The following NCOR1 variants were observed in gnomAD, a reference collection of about 807,000 sequenced individuals.
NCOR1 encodes the protein nuclear receptor corepressor 1, also known as protein phosphatase 1, regulatory subunit 109.
NCOR1 carries 63 observed loss-of-function variants against 288.1 expected under a neutral mutation model. The ratio of observed to expected loss-of-function variants is 0.22; its 90% confidence interval spans 0.18 to 0.27. The LOEUF (loss-of-function observed/expected upper bound fraction) is 0.27, where lower values mean the gene tolerates loss of function less well. Among genes scored for constraint, NCOR1 ranks in the 10% least tolerant of loss-of-function variants. NCOR1 has a pLI of 1.00. For missense variants in NCOR1, 2,397 were observed against 3,019.2 expected, an observed-to-expected ratio of 0.79 and a Z score of 4.83; for synonymous variants, 1,007 against 1,065.9, an observed-to-expected ratio of 0.94 and a Z score of 1.08.
chr17:16,057,732 A>C lies in NCOR1; in HGVS notation c.6174T>G (p.Ile2058Met), dbSNP rs754179402. The change falls in exon 40 of 46, where the codon ATT becomes ATG. Residue 2058 changes from isoleucine to methionine, a missense_variant. Physicochemically the swap from Ile to Met is conservative, Grantham distance 10 (BLOSUM62 1). Around this residue, in one of 11 missense-constraint regions of NCOR1, gnomAD observed 1,872 missense variants for 2,187.8 expected, o/e 0.86. Coordinates refer to ENST00000268712, the MANE Select transcript of NCOR1 (RefSeq NM_006311.4). ...GATTTCTAGCAAAATCTTGTGTGATAATTTGCTGTGAATGAGAAATGAAGG... is the reference window on the plus strand; with the variant it reads ...GATTTCTAGCAAAATCTTGTGTGATCATTTGCTGTGAATGAGAAATGAAGG... Reference protein sequence around the residue: ...LITLADHICQIITQDFARNQV... With the variant: ...LITLADHICQMITQDFARNQV... The C allele has an allele frequency of 1.9e-6, 3 of 1,613,806 alleles. No homozygotes were observed. Among genetic ancestry groups the C allele is most frequent in the South Asian group, 2.2e-5 (2 of 91,034 alleles).
intron 2 of NCOR1, among the ~76,000 whole-genome samples, chr17:16,190,645 C>T (rs1351414324): frequency 6.6e-6 from 1 of 151,994 alleles, no homozygotes; most frequent in Non-Finnish European, 1.5e-5. Flanking sequence ...CCAGCCAACA[C>T]TCCCTGAAAG....
At chr17:16,138,114 C>T (rs1199791569) in intron 13 of NCOR1, 44 bp downstream of exon 13, 6 of 1,512,952 alleles carry the variant, frequency 4.0e-6, no homozygotes, top group Non-Finnish European at 5.5e-6. Context: ...AAAGTAACAA[C>T]CATCACAAAC....
rs1210759269 is a variant in NCOR1, at chr17:16,070,161, A to C, written c.4513+4T>G. The C allele has an allele frequency of 1.9e-6, 3 of 1,592,106 alleles. No individual in the cohort carries two copies. The highest frequency in any genetic ancestry group is 2.6e-6 in the Non-Finnish European group (3 of 1,170,668). On this transcript the variant is annotated splice_donor_region_variant and intron_variant, in intron 31 of 45. Transcript: ENST00000268712. The stretch of plus-strand genomic sequence containing the variant: ...TATCAGACCAAGCAACAAAAGTAAC[A>C]TACCATCAGAAGTTCTGTTCATCAT...
chr17:16,080,452 G>C lies in NCOR1; in HGVS notation c.3356C>G (p.Pro1119Arg). 6.2e-7 allele frequency: 1 copy of C among 1,614,142 alleles called. No individual in the cohort carries two copies. The highest frequency in any genetic ancestry group is 8.5e-7 in the Non-Finnish European group (1 of 1,180,044). ...EFSPRSQNSQ[P>R]EGLLVRAQHE... ...TTGGGCCCTGACCAACAGACCCTCA[G>C]GTTGTGAGTTTTGGCTTCGGGGAGA... The change falls in exon 25 of 46, where the codon CCT (proline) becomes CGT (arginine). Residue 1119 changes from proline to arginine, a missense_variant. Pro to Arg is a moderately radical substitution (Grantham distance 103). Coordinates refer to ENST00000268712, the MANE Select transcript of NCOR1 (RefSeq NM_006311.4).
Position 16,071,404 on chromosome 17 carries a change from G to A in NCOR1, c.4152+5C>T. 2 of 1,605,276 alleles carry A rather than the reference G, an allele frequency of 1.2e-6. No homozygotes were observed. Among genetic ancestry groups the A allele is most frequent in the Non-Finnish European group, 1.7e-6 (2 of 1,175,546 alleles). ...TACTGACAAAAAGAGCCAAAACTTA[G>A]TTACCTGGGAAATGGAACCCTCAAT... On this transcript the variant is annotated splice_donor_5th_base_variant and intron_variant, in intron 30 of 45. Coordinates refer to ENST00000268712, the MANE Select transcript of NCOR1 (RefSeq NM_006311.4).
At chr17:16,186,939 A>G (rs2086776344) in intron 2 of NCOR1, among the ~76,000 whole-genome samples, 1 of 152,076 alleles carries the variant, frequency 6.6e-6, no homozygotes, top group African/African-American at 2.4e-5. Context: ...AATTACAATA[A>G]CTCCCAATCT....
intron 42 of NCOR1, among the ~76,000 whole-genome samples, chr17:16,041,985 C>T (rs932056133): frequency 6.6e-6 from 1 of 152,122 alleles, no homozygotes; most frequent in South Asian, 2.1e-4. Flanking sequence ...ATGCCCGCCT[C>T]GGCCTCCCAA....
At chr17:16,044,185 A>AAAG in intron 42 of NCOR1, among the ~76,000 whole-genome samples, 1 of 151,362 alleles carries the variant, frequency 6.6e-6, no homozygotes, top group Non-Finnish European at 1.5e-5. Flanking sequence ...AAAAAAAAAA[A>AAAG]AAAGAAAGAA....
intron 20 of NCOR1, among the ~76,000 whole-genome samples, chr17:16,100,033 G>C (rs2067313624): frequency 6.6e-6 from 1 of 151,976 alleles, no homozygotes; most frequent in Admixed American, 6.6e-5. Flanking sequence ...ACTTTGAAGA[G>C]AATTTAGCTA....
intron 42 of NCOR1, among the ~76,000 whole-genome samples, chr17:16,041,573 C>T (rs1311915877): frequency 6.6e-6 from 1 of 151,258 alleles, no homozygotes; most frequent in Non-Finnish European, 1.5e-5. Flanking sequence ...CGCCACCATG[C>T]CCAGCTAATT....
At position 16,086,314 on chromosome 17, in the gene NCOR1, G is replaced by C; in HGVS notation, c.3145C>G (p.Pro1049Ala). The C allele has an allele frequency of 6.2e-7, 1 of 1,614,084 alleles. No individual in the cohort carries two copies. ...SSKTTVASEK[P>A]SFIMGGSISQ... ...ATGGAGCCTCCCATTATAAAAGATGGTTTTTCTGAAGCCACTGTGGTTTTG... is the reference window on the plus strand; with the variant it reads ...ATGGAGCCTCCCATTATAAAAGATGCTTTTTCTGAAGCCACTGTGGTTTTG... The change falls in exon 23 of 46, where the codon CCA (proline) becomes GCA (alanine). Residue 1049 changes from proline (P) to alanine (A), a missense_variant. Coordinates refer to ENST00000268712, the MANE Select transcript of NCOR1 (RefSeq NM_006311.4).
intron 1 of NCOR1, among the ~76,000 whole-genome samples, chr17:16,210,155 G>A (rs527475578): frequency 4.2e-4 from 64 of 152,158 alleles, no homozygotes; most frequent in Admixed American, 1.8e-3. Context: ...AGGCTGAGGC[G>A]GGAGGATCAC....
At position 16,030,591 on chromosome 17, in the gene NCOR1, A is replaced by G. The variant is rs573004744; in HGVS notation, c.*1705T>C. The G allele has an allele frequency of 5.5e-6, 1 of 183,022 alleles. No homozygotes were observed. The highest frequency in any genetic ancestry group is 1.2e-5 in the Non-Finnish European group (1 of 86,452). The allele number at this position is 183,022 out of a possible 1,614,324, so 11.3% of individuals were successfully genotyped here. On this transcript the variant is annotated 3_prime_UTR_variant, in exon 46 of 46. Coordinates refer to ENST00000268712, the MANE Select transcript of NCOR1 (RefSeq NM_006311.4). Reference sequence around the variant, plus strand: ...TATATGTTTACATATATCTGTTGTAAAAAATACCAACTTTCCAAGTACTAG... The same window carrying G: ...TATATGTTTACATATATCTGTTGTAGAAAATACCAACTTTCCAAGTACTAG...
At chr17:16,119,303 C>T (rs1330280956) in intron 17 of NCOR1, 120 bp downstream of exon 17, 2 of 671,942 alleles carry the variant, frequency 3.0e-6, no homozygotes, top group Non-Finnish European at 5.0e-6. Flanking sequence ...CTTCTGAGTC[C>T]TCTTTGCCTT....
Position 16,071,527 on chromosome 17 carries a change from T to C in NCOR1, c.4034A>G (p.Lys1345Arg). 6.2e-7 allele frequency: 1 copy of C among 1,614,180 alleles called. No homozygotes were observed. The highest frequency in any genetic ancestry group is 8.5e-7 in the Non-Finnish European group (1 of 1,180,018). The change falls in exon 30 of 46, where the codon AAA becomes AGA. Residue 1345 changes from lysine to arginine, a missense_variant. Physicochemically the swap from Lys to Arg is conservative, Grantham distance 26. This residue lies in a region of NCOR1 where 1,872 missense variants were observed against 2,187.8 expected (regional missense o/e 0.86). Coordinates refer to ENST00000268712, the MANE Select transcript of NCOR1 (RefSeq NM_006311.4). ...GKPYDGITTI[K>R]EMGRSIHEIP... is the part of the protein sequence containing the mutation. ...CTCATGAATGGAACGCCCCATTTCT[T>C]TGATGGTGGTGATGCCATCATATGG...
At chr17:16,080,239 G>T in intron 25 of NCOR1, 169 bp downstream of exon 25, 1 of 785,850 alleles carries the variant, frequency 1.3e-6, no homozygotes, top group Non-Finnish European at 2.0e-6. Context: ...AAGAACTGCT[G>T]AAACATGGAA....
At chr17:16,118,123 C>T in intron 17 of NCOR1, 96 bp from the exon 18 acceptor site, 1 of 1,258,882 alleles carries the variant, frequency 7.9e-7, no homozygotes, top group Non-Finnish European at 1.1e-6. Flanking sequence ...TATTCACAAC[C>T]ATTGACACTA....
chr17:16,044,100 C>T (rs1465904226), intron 42 of NCOR1, among the ~76,000 whole-genome samples: 10 of 134,208 alleles, frequency 7.5e-5, no homozygotes, highest in African/African-American at 2.8e-4. Context: ...ACCCGGGAGG[C>T]GGAGGTTGCG....
chr17:16,113,761 C>T (rs901226310), intron 18 of NCOR1, among the ~76,000 whole-genome samples: 2 of 151,966 alleles, frequency 1.3e-5, no homozygotes, highest in Non-Finnish European at 2.9e-5. Flanking sequence ...GGCATAGCGG[C>T]GTGCGCCTGT....
Sources: allele counts gnomAD v4.1 joint callset (sites outside exome capture counted in the v4.1 genomes callset), GRCh38; gene constraint gnomAD v4.1.1; regional missense constraint gnomAD v4.1.1; transcripts MANE v1.5; gene names NCBI Gene and HGNC (gene_info 2026-07-23, HGNC 2026-07-21).